CELF4: variants seen among roughly 807,000 people sequenced by gnomAD.
CELF4 encodes CUGBP Elav-like family member 4, also known as CUG-BP- and ETR-3-like factor 4.
Under a neutral mutation model 59.9 loss-of-function variants are expected in CELF4, and 18 were observed. The observed-to-expected ratio is 0.30, with a 90% CI of 0.21 to 0.45. The LOEUF is 0.45. CELF4 is among the 20% of genes least tolerant of loss of function. The pLI, the probability that CELF4 is intolerant of heterozygous loss-of-function variation, is 1.00. For synonymous variants in CELF4, 261 were observed against 267.1 expected (o/e 0.98, Z 0.22); for missense variants, 456 against 689.0 (o/e 0.66, Z 3.79).
intron 2 of CELF4, among the ~76,000 whole-genome samples, chr18:37,448,435 CT>C (rs1462202314): frequency 1.3e-5 from 2 of 152,260 alleles, no homozygotes; most frequent in South Asian, 2.1e-4. Context: ...GCTGAGCCCC[CT>C]GGCGAGGCCT....
At chr18:37,423,985 G>A (rs1373415609) in intron 2 of CELF4, among the ~76,000 whole-genome samples, 7 of 148,944 alleles carry the variant, frequency 4.7e-5, no homozygotes, top group African/African-American at 1.7e-4. Flanking sequence ...AGAGGTCTCC[G>A]CCACCGAGAA....
chr18:37,528,832 C>CA (rs1901797997), intron 1 of CELF4: 1 of 152,112 alleles, frequency 6.6e-6, no homozygotes, highest in Non-Finnish European at 1.5e-5. Context: ...TCTCCTAGTT[C>CA]AGCAGCATTT....
intron 2 of CELF4, among the ~76,000 whole-genome samples, chr18:37,420,223 A>G (rs1008102242): frequency 8.5e-5 from 13 of 152,206 alleles, no homozygotes; most frequent in African/African-American, 2.9e-4. Context: ...GTGTGGCCTC[A>G]TGGTTAGGGT....
chr18:37,400,239 C>T (rs2099309734), intron 2 of CELF4, among the ~76,000 whole-genome samples: 1 of 152,274 alleles, frequency 6.6e-6, no homozygotes, highest in East Asian at 1.9e-4. Flanking sequence ...TGCTGCTCTG[C>T]CCTATAGATT....
chr18:37,259,881 C>T (rs866147201), intron 10 of CELF4, among the ~76,000 whole-genome samples: 4 of 152,124 alleles, frequency 2.6e-5, no homozygotes, highest in Non-Finnish European at 5.9e-5. Context: ...TGTGTAGGTG[C>T]GTAGGAAGCG....
At chr18:37,384,238 C>T (rs1164396993) in intron 2 of CELF4, among the ~76,000 whole-genome samples, 1 of 152,164 alleles carries the variant, frequency 6.6e-6, no homozygotes, top group Admixed American at 6.5e-5. Flanking sequence ...ACACTCTGTC[C>T]TTCCTGAGCT....
At chr18:37,355,768 C>A (rs192494486) in intron 2 of CELF4, among the ~76,000 whole-genome samples, 2 of 152,324 alleles carry the variant, frequency 1.3e-5, no homozygotes, top group East Asian at 1.9e-4. Flanking sequence ...GCCAGGCAGT[C>A]TCCCTGGAGG....
intron 1 of CELF4, among the ~76,000 whole-genome samples, chr18:37,498,070 A>G (rs1030414872): frequency 6.6e-6 from 1 of 152,172 alleles, no homozygotes; most frequent in Non-Finnish European, 1.5e-5. Flanking sequence ...AACTCAGTGC[A>G]GGGACACCTG....
intron 1 of CELF4, among the ~76,000 whole-genome samples, chr18:37,514,599 C>T (rs1022870734): frequency 1.3e-5 from 2 of 152,110 alleles, no homozygotes; most frequent in Admixed American, 6.5e-5. Flanking sequence ...AATTGAGCTC[C>T]CGGTCCCAAG....
intron 3 of CELF4, among the ~76,000 whole-genome samples, chr18:37,317,219 T>C (rs1218454294): frequency 6.6e-5 from 10 of 152,186 alleles, no homozygotes; most frequent in Admixed American, 6.5e-4. Context: ...AAACCCCATC[T>C]CTACTAATAA....
Position 37,244,602 on chromosome 18 carries a change from A to G in CELF4, c.*640T>C, listed in dbSNP as rs2061415512. On this transcript the variant is annotated 3_prime_UTR_variant, in exon 13 of 13. Transcript: ENST00000420428. ...TTTTTTGTTTTTTTTTTAATTTTTT[A>G]TTACATTTTTTCATAGAATCGCTCT... 1 of 146,212 alleles carries G rather than the reference A, an allele frequency of 6.8e-6. No homozygotes were observed. Among genetic ancestry groups the G allele is most frequent in the Non-Finnish European group, 1.5e-5 (1 of 65,540 alleles). The allele number at this position is 146,212 out of a possible 1,614,324, so 9.1% of individuals were successfully genotyped here.
chr18:37,332,015 C>T (rs1005541455), intron 2 of CELF4, among the ~76,000 whole-genome samples: 5 of 152,204 alleles, frequency 3.3e-5, no homozygotes, highest in South Asian at 2.1e-4. Flanking sequence ...GGCAGCTGCA[C>T]GTGCAGGAGG....
Position 37,447,891 on chromosome 18 carries a change from G to A in CELF4, c.369+37634C>T, listed in dbSNP as rs553734688. 3.7e-4 allele frequency among the ~76,000 whole-genome samples: 56 copies of A among 152,264 alleles called. 1 individual carries two copies. In the South Asian group the frequency reaches 6.6e-3, roughly 18 times the overall value. On this transcript the variant is annotated intron_variant, in intron 2 of 12. Transcript: ENST00000420428. ...GAGAACCCTAACAGCCAGATGGCCAGCACCACTGGGTGACCATCCCCCAAG... is the reference window on the plus strand; with the variant it reads ...GAGAACCCTAACAGCCAGATGGCCAACACCACTGGGTGACCATCCCCCAAG...
intron 2 of CELF4, among the ~76,000 whole-genome samples, chr18:37,328,664 G>A (rs183866848): frequency 1.4e-4 from 22 of 152,260 alleles, no homozygotes; most frequent in Non-Finnish European, 2.2e-4. Flanking sequence ...TTGTGGACGC[G>A]CTTGTGTGGA....
chr18:37,367,083 T>A (rs1233965822), intron 2 of CELF4, among the ~76,000 whole-genome samples: 4 of 152,082 alleles, frequency 2.6e-5, no homozygotes, highest in African/African-American at 9.7e-5. Context: ...GAGAAGAAAC[T>A]TGGCAAGCTA....
intron 2 of CELF4, among the ~76,000 whole-genome samples, chr18:37,421,164 A>T (rs1786822): frequency 3.9e-5 from 6 of 151,910 alleles, no homozygotes; most frequent in Non-Finnish European, 8.8e-5. Context: ...ACAGTTCCCT[A>T]TCCGGGTCAT....
chr18:37,256,641 A>G (rs1194248927), intron 11 of CELF4, among the ~76,000 whole-genome samples: 1 of 152,156 alleles, frequency 6.6e-6, no homozygotes, highest in African/African-American at 2.4e-5. Context: ...GCTAGAGTGC[A>G]GTGGTGTGAT....
At chr18:37,445,139 T>C (rs979685843) in intron 2 of CELF4, among the ~76,000 whole-genome samples, 6 of 152,126 alleles carry the variant, frequency 3.9e-5, no homozygotes, top group African/African-American at 1.2e-4. Flanking sequence ...CTGATTTAGG[T>C]GGCCTGGTGC....
intron 2 of CELF4, among the ~76,000 whole-genome samples, chr18:37,421,487 C>T (rs1303596961): frequency 1.3e-5 from 2 of 152,226 alleles, no homozygotes; most frequent in Non-Finnish European, 2.9e-5. Flanking sequence ...ATGAAGAAGG[C>T]AGCCTAGGAG....
Sources: allele counts gnomAD v4.1 joint callset (sites outside exome capture counted in the v4.1 genomes callset), GRCh38; gene constraint gnomAD v4.1.1; transcripts MANE v1.5; gene names NCBI Gene and HGNC (gene_info 2026-07-23, HGNC 2026-07-21).